KRR1: variants seen among roughly 807,000 people sequenced by gnomAD.
KRR1 encodes KRR1 small subunit processome component homolog.
KRR1 carries 23 observed loss-of-function variants against 50.0 expected under a neutral mutation model. The observed-to-expected ratio is 0.46, with a 90% CI of 0.33 to 0.65. The LOEUF (loss-of-function observed/expected upper bound fraction) is 0.65. Ranked by LOEUF, KRR1 falls within the 30% of genes least tolerant of loss-of-function variation. The pLI, the probability that KRR1 is intolerant of heterozygous loss-of-function variation, is 0.02. For synonymous variants in KRR1, 133 were observed against 146.3 expected, an observed-to-expected ratio of 0.91 and a Z score of 0.66; for missense variants, 419 against 442.4, an observed-to-expected ratio of 0.95 and a Z score of 0.47.
chr12:75,511,413 C>T, intron 1 of KRR1, 100 bp downstream of exon 1: 1 of 1,046,258 alleles, frequency 9.6e-7, no homozygotes, highest in Non-Finnish European at 1.5e-6. Context: ...CTACACAGTA[C>T]AGGCTCCAGG....
chr12:75,495,799 G>A lies in KRR1; in HGVS notation c.*4010C>T. On this transcript the variant is annotated 3_prime_UTR_variant, in exon 10 of 10. Coordinates refer to ENST00000229214, the MANE Select transcript of KRR1 (RefSeq NM_007043.7). ...GGCATCAAGTAGCAATTAAACCAAT[G>A]GCTTACTGTTCTAGGAATACATTTA... 1.8e-6 allele frequency: 1 copy of A among 557,368 alleles called. No homozygotes were observed. The highest frequency in any genetic ancestry group is 3.3e-6 in the Non-Finnish European group (1 of 301,646). 34.5% of individuals were successfully genotyped at this position (557,368 alleles called of 1,614,324 possible). A position where few individuals can be genotyped will look rare whatever the true frequency, so the allele number is the denominator to read the frequency against.
rs957366995 is a variant in KRR1 at position 75,498,423 on chromosome 12, A to G, written c.*1386T>C. On this transcript the variant is annotated 3_prime_UTR_variant, in exon 10 of 10. Coordinates refer to ENST00000229214, the MANE Select transcript of KRR1 (RefSeq NM_007043.7). ...TATTTTTTAAATTTTATTACCTGCT[A>G]GGTATGATGTGTAAAATGATTTTCC... is the stretch of plus-strand genomic sequence containing the variant. The G allele has an allele frequency of 3.3e-6, 1 of 301,398 alleles. No individual in the cohort carries two copies. The highest frequency in any genetic ancestry group is 6.0e-6 in the Non-Finnish European group (1 of 165,636). 18.7% of individuals were successfully genotyped at this position (301,398 alleles called of 1,614,324 possible). A position where few individuals can be genotyped will look rare whatever the true frequency, so the allele number is the denominator to read the frequency against.
chr12:75,496,696 G>A lies in KRR1; in HGVS notation c.*3113C>T, dbSNP rs1412047037. The A allele has an allele frequency of 1.3e-5, 2 of 152,156 alleles. No individual in the cohort carries two copies. Among genetic ancestry groups the A allele is most frequent in the Non-Finnish European group, 2.9e-5 (2 of 68,042 alleles). The allele number at this position is 152,156 out of a possible 1,614,324, so 9.4% of individuals were successfully genotyped here. On this transcript the variant is annotated 3_prime_UTR_variant, in exon 10 of 10. Coordinates refer to ENST00000229214, the MANE Select transcript of KRR1 (RefSeq NM_007043.7). The stretch of plus-strand genomic sequence containing the variant: ...GGGCTAGAGTAGGGTGCTTAGAATA[G>A]AGGAAGGACAGAGTCGGCCAAGTTC...
chr12:75,495,675 A>C lies in KRR1; in HGVS notation c.*4134T>G. On this transcript the variant is annotated 3_prime_UTR_variant, in exon 10 of 10. Coordinates refer to ENST00000229214, the MANE Select transcript of KRR1 (RefSeq NM_007043.7). ...GACAATCTCTGTGGTGAGTAAAAGG[A>C]ACAATACACCAATAGAATAACATAA... is the stretch of plus-strand genomic sequence containing the variant. The C allele has an allele frequency of 7.0e-7, 1 of 1,426,394 alleles. No homozygotes were observed. 88.4% of individuals were successfully genotyped at this position (1,426,394 alleles called of 1,614,324 possible). A position where few individuals can be genotyped will look rare whatever the true frequency, so the allele number is the denominator to read the frequency against.
chr12:75,495,627 G>A lies in KRR1; in HGVS notation c.*4182C>T, dbSNP rs1190438487. On this transcript the variant is annotated 3_prime_UTR_variant, in exon 10 of 10. Transcript: ENST00000229214. The stretch of plus-strand genomic sequence containing the variant: ...AAGAGAGGAGCCACCTGCAGTGCCT[G>A]CCCCAATAATGACAAGTGTTTGGAC... 2 of 1,610,948 alleles carry A rather than the reference G, an allele frequency of 1.2e-6. No individual in the cohort carries two copies. Among genetic ancestry groups the A allele is most frequent in the Non-Finnish European group, 1.7e-6 (2 of 1,177,412 alleles).
In KRR1 at chr12:75,495,910, G is replaced by A. The variant is rs2046347819; in HGVS notation, c.*3899C>T. 3.6e-6 allele frequency: 1 copy of A among 279,190 alleles called. No homozygotes were observed. Among genetic ancestry groups the A allele is most frequent in the Non-Finnish European group, 6.6e-6 (1 of 150,590 alleles). 17.3% of individuals were successfully genotyped at this position (279,190 alleles called of 1,614,324 possible). On this transcript the variant is annotated 3_prime_UTR_variant, in exon 10 of 10. Coordinates refer to ENST00000229214, the MANE Select transcript of KRR1 (RefSeq NM_007043.7). Reference sequence around the variant, plus strand: ...ACAACAAAAAAAACTGTCAGAAACTGTAGACTAAGATTCCTAAGATTTGCT... The same window carrying A: ...ACAACAAAAAAAACTGTCAGAAACTATAGACTAAGATTCCTAAGATTTGCT...
At chr12:75,500,836 G>GT (rs2046388799) in intron 9 of KRR1, 1 of 152,102 alleles carries the variant, frequency 6.6e-6, no homozygotes, top group African/African-American at 2.4e-5. Flanking sequence ...CTAAATTAGG[G>GT]TAACTAGCTA....
intron 2 of KRR1, among the ~76,000 whole-genome samples, chr12:75,507,763 T>G (rs1304626603): frequency 6.6e-6 from 1 of 152,170 alleles, no homozygotes; most frequent in Non-Finnish European, 1.5e-5. Context: ...TGTCATTTTC[T>G]AAAGGCTCAT....
chr12:75,506,381 T>C lies in KRR1; in HGVS notation c.538A>G (p.Asn180Asp), dbSNP rs765074465. Residue 180 changes from asparagine (N) to aspartate (D), a missense_variant, in exon 5 of 10, where the codon AAT becomes GAT. Asn to Asp is a conservative substitution (Grantham distance 23). Transcript: ENST00000229214. ...STLKALELLTNCYIMVQGNTV... is the reference protein window; with the variant it reads ...STLKALELLTDCYIMVQGNTV... ...TTTCCCTGAACCATAATGTAACAAT[T>C]AGTTAAGAGTTCCAATGCCTGTATC... is the stretch of plus-strand genomic sequence containing the variant. 3.1e-6 allele frequency: 5 copies of C among 1,611,900 alleles called. No individual in the cohort carries two copies. The highest frequency in any genetic ancestry group is 2.7e-5 in the African/African-American group (2 of 74,912).
At chr12:75,506,734 G>C in intron 3 of KRR1, 48 bp downstream of exon 3, 1 of 1,589,924 alleles carries the variant, frequency 6.3e-7, no homozygotes, top group Non-Finnish European at 8.5e-7. Flanking sequence ...GATGTTATAG[G>C]TTAACACTGA....
At chr12:75,506,685 T>C (rs777041965) in intron 3 of KRR1, 76 bp from the exon 4 acceptor site, 118 of 1,546,552 alleles carry the variant, frequency 7.6e-5, no homozygotes, top group Non-Finnish European at 9.3e-5. Flanking sequence ...AGGCCCACGC[T>C]ATTGTTACCT....
intron 1 of KRR1, among the ~76,000 whole-genome samples, chr12:75,510,653 A>G (rs942635964): frequency 2.6e-5 from 4 of 152,244 alleles, no homozygotes; most frequent in African/African-American, 9.6e-5. Context: ...GGAAAAGAGA[A>G]TATGATCTGA....
chr12:75,506,915 T>C lies in KRR1; in HGVS notation c.260A>G (p.His87Arg), dbSNP rs901920174. Residue 87 changes from histidine (H) to arginine (R), a missense_variant and splice_region_variant, in exon 3 of 10, where the codon CAT (histidine) becomes CGT (arginine). By Grantham distance (29) the His-to-Arg change is conservative. Coordinates refer to ENST00000229214, the MANE Select transcript of KRR1 (RefSeq NM_007043.7). Reference protein sequence around the residue: ...PLVQKALNEHHVNATLDLIEG... With the variant: ...PLVQKALNEHRVNATLDLIEG... ...GATCAGGTCCAGGGTTGCATTAACA[T>C]GCTACAGAAGGAAAGAGCAAACAAG... is the stretch of plus-strand genomic sequence containing the variant. 3.1e-6 allele frequency: 5 copies of C among 1,589,502 alleles called. No homozygotes were observed. Among genetic ancestry groups the C allele is most frequent in the African/African-American group, 2.7e-5 (2 of 73,110 alleles).
chr12:75,506,416 A>T lies in KRR1; in HGVS notation c.520-17T>A, dbSNP rs1234231584. The T allele has an allele frequency of 6.2e-7, 1 of 1,605,030 alleles. No homozygotes were observed. The highest frequency in any genetic ancestry group is 2.3e-5 in the East Asian group (1 of 43,502). On this transcript the variant is annotated splice_polypyrimidine_tract_variant and intron_variant, in intron 4 of 9. Coordinates refer to ENST00000229214, the MANE Select transcript of KRR1 (RefSeq NM_007043.7). ...TTCCAATGCCTGTATCAAGAGATCA[A>T]GTTAAAATTCATTACTCTGAAAAAG...
chr12:75,504,180 C>T (rs1304640329), intron 6 of KRR1, 106 bp from the exon 7 acceptor site: 3 of 725,512 alleles, frequency 4.1e-6, no homozygotes, highest in Non-Finnish European at 6.2e-6. Context: ...GAAACAGTTC[C>T]TAGTTTCTTT....
intron 9 of KRR1, chr12:75,500,798 G>A (rs1245475185): frequency 6.6e-6 from 1 of 152,032 alleles, no homozygotes; most frequent in Non-Finnish European, 1.5e-5. Flanking sequence ...GAAGCACAGA[G>A]TGTTAAAGCC....
Position 75,499,074 on chromosome 12 carries a change from A to G in KRR1, c.*735T>C, listed in dbSNP as rs1443108853. ...ATTAGGTGTACTTCTATTTTAAAAC[A>G]TTTCAGAAAAAAATATATGTTATAG... is the stretch of plus-strand genomic sequence containing the variant. On this transcript the variant is annotated 3_prime_UTR_variant, in exon 10 of 10. Coordinates refer to ENST00000229214, the MANE Select transcript of KRR1 (RefSeq NM_007043.7). The G allele has an allele frequency of 1.4e-6, 1 of 736,160 alleles. No individual in the cohort carries two copies. The highest frequency in any genetic ancestry group is 2.8e-5 in the East Asian group (1 of 35,166). 45.6% of individuals were successfully genotyped at this position (736,160 alleles called of 1,614,324 possible).
intron 7 of KRR1, chr12:75,503,634 C>A: frequency 3.7e-6 from 1 of 267,344 alleles, no homozygotes; most frequent in Non-Finnish European, 7.0e-6. Context: ...ACTAAACGAA[C>A]TTTTATCCAT....
In KRR1 at chr12:75,511,565, T is replaced by A. The variant is rs200760522; in HGVS notation, c.33A>T (p.Lys11Asn). The change falls in exon 1 of 10, where the codon AAA (lysine) becomes AAT (asparagine). Residue 11 changes from lysine to asparagine, a missense_variant. Physicochemically the swap from Lys to Asn is moderately conservative, Grantham distance 94. Transcript: ENST00000229214. MASPSLERPE[K>N]GAGKSEFRNQ... ...TACGAAATTCACTTTTTCCAGCGCC[T>A]TTTTCTGGCCGCTCCAGCGAGGGAG... 66 of 1,613,804 alleles carry A rather than the reference T, an allele frequency of 4.1e-5. No homozygotes were observed. The highest frequency in any genetic ancestry group is 1.6e-5 in the Non-Finnish European group (19 of 1,179,722).
Sources: gnomAD v4.1 joint callset for allele counts (sites outside exome capture counted in the v4.1 genomes callset) on GRCh38, gnomAD v4.1.1 for gene constraint, MANE v1.5 for transcripts, NCBI Gene and HGNC (gene_info 2026-07-23, HGNC 2026-07-21) for gene names.